MYO10: variants seen among roughly 807,000 people sequenced by gnomAD.
MYO10 encodes unconventional myosin-X.
MYO10 carries 133 observed loss-of-function variants against 257.3 expected under a neutral mutation model. The observed-to-expected ratio is 0.52, with a 90% CI of 0.45 to 0.60. The LOEUF is 0.60. Among genes scored for constraint, MYO10 ranks in the 20% least tolerant of loss-of-function variants. The pLI is 0.00. For missense variants in MYO10, 2,399 were observed against 2,635.7 expected (o/e 0.91, Z 1.97); for synonymous variants, 1,104 against 1,028.6 (o/e 1.07, Z -1.40).
rs571972139 is a variant in MYO10 at position 16,689,203 on chromosome 5, G to A, written c.3896+621C>T. 3.9e-5 allele frequency among the ~76,000 whole-genome samples: 6 copies of A among 152,298 alleles called. 1 individual carries two copies. In the South Asian group the frequency reaches 1.2e-3, roughly 32 times the overall value. ...TTAATGTCTACCTTGCAGGATCCAAGAGAATCAAAAGAGTTAATATTTATG... is the reference window on the plus strand; with the variant it reads ...TTAATGTCTACCTTGCAGGATCCAAAAGAATCAAAAGAGTTAATATTTATG... On this transcript the variant is annotated intron_variant, in intron 28 of 40. Transcript: ENST00000513610.
rs116259110 is a variant in MYO10 at position 16,728,393 on chromosome 5, C to A, written c.1930-17148G>T. Among the ~76,000 whole-genome samples the A allele has an allele frequency of 7.3e-3, 1,105 of 152,208 alleles. 12 individuals are homozygous for A. The highest frequency in any genetic ancestry group is 0.025 in the African/African-American group (1,054 of 41,516). On this transcript the variant is annotated intron_variant, in intron 19 of 40. Transcript: ENST00000513610. ...CACCAACTCCTTGGGGATGAGGTAC[C>A]TGGGGACTTTCTTTTGGCTCCCACC...
At chr5:16,911,766 G>A (rs939577346) in intron 1 of MYO10, among the ~76,000 whole-genome samples, 1 of 152,002 alleles carries the variant, frequency 6.6e-6, no homozygotes, top group African/African-American at 2.4e-5. Context: ...GGCCAGCCGC[G>A]GTGGCTCATG....
At position 16,704,569 on chromosome 5, in the gene MYO10, G is replaced by A; in HGVS notation, c.2276+10C>T. ...CTTCCTGCCTTATCCCCTCAGCGTG[G>A]GGTTCTTACCGTGCTAAGAAGCCCA... On this transcript the variant is annotated intron_variant, in intron 22 of 40. Coordinates refer to ENST00000513610, the MANE Select transcript of MYO10 (RefSeq NM_012334.3). The A allele has an allele frequency of 1.9e-6, 3 of 1,611,470 alleles. No homozygotes were observed. The highest frequency in any genetic ancestry group is 2.5e-6 in the Non-Finnish European group (3 of 1,177,934).
chr5:16,846,637 G>A (rs1374310160), intron 2 of MYO10, among the ~76,000 whole-genome samples: 1 of 152,190 alleles, frequency 6.6e-6, no homozygotes, highest in Non-Finnish European at 1.5e-5. Flanking sequence ...AGGTGGGAAA[G>A]GTCATCATCA....
rs779146798 is a variant in MYO10 at position 16,794,777 on chromosome 5, C to A, written c.336G>T (p.Leu112=). ...SVNPYQPIAG[L]YEPATMEQYS... is the part of the protein sequence containing the mutation. ...ACTGCTCCATGGTGGCAGGCTCGTA[C>A]AGCCCGGCGATGGGCTGGTAGGGGT... Residue 112 remains leucine, a synonymous_variant, in exon 4 of 41, where the codon CTG becomes CTT. Coordinates refer to ENST00000513610, the MANE Select transcript of MYO10 (RefSeq NM_012334.3). 225 of 1,605,080 alleles carry A rather than the reference C, an allele frequency of 1.4e-4. No homozygotes were observed. In the Middle Eastern group the frequency reaches 1.7e-3, roughly 12 times the overall value.
chr5:16,683,100 T>C (rs1377448407), intron 30 of MYO10, among the ~76,000 whole-genome samples: 2 of 152,140 alleles, frequency 1.3e-5, no homozygotes, highest in Non-Finnish European at 2.9e-5. Flanking sequence ...TCAGAAGGGC[T>C]CTTGTCAACG....
At chr5:16,757,809 C>T (rs542854266) in intron 18 of MYO10, among the ~76,000 whole-genome samples, 1 of 152,268 alleles carries the variant, frequency 6.6e-6, no homozygotes, top group Admixed American at 6.5e-5. Context: ...GGACTACAGG[C>T]ATGCGCCACC....
At chr5:16,710,834 G>T in intron 21 of MYO10, 74 bp downstream of exon 21, 1 of 1,253,180 alleles carries the variant, frequency 8.0e-7, no homozygotes, top group Non-Finnish European at 1.1e-6. Flanking sequence ...GTGTCATAGA[G>T]CCCTAAACCC....
intron 2 of MYO10, among the ~76,000 whole-genome samples, chr5:16,820,574 G>GA (rs1355054717): frequency 2.0e-5 from 3 of 152,234 alleles, no homozygotes; most frequent in African/African-American, 7.2e-5. Flanking sequence ...ACAGGGCACT[G>GA]AAGCCAGCAC....
Position 16,666,599 on chromosome 5 carries a change from T to G in MYO10, c.*93A>C. On this transcript the variant is annotated 3_prime_UTR_variant, in exon 41 of 41. Coordinates refer to ENST00000513610, the MANE Select transcript of MYO10 (RefSeq NM_012334.3). ...CTTCCAGAAAGCCTGGGCAGCTCTGTGTTTGTTTTGGCTGGGCATGGCACA... is the reference window on the plus strand; with the variant it reads ...CTTCCAGAAAGCCTGGGCAGCTCTGGGTTTGTTTTGGCTGGGCATGGCACA... 1.2e-5 allele frequency: 12 copies of G among 1,026,450 alleles called. No homozygotes were observed. The highest frequency in any genetic ancestry group is 1.6e-5 in the Non-Finnish European group (11 of 708,584). The allele number at this position is 1,026,450 out of a possible 1,614,324, so 63.6% of individuals were successfully genotyped here. A position where few individuals can be genotyped will look rare whatever the true frequency, so the allele number is the denominator to read the frequency against.
intron 4 of MYO10, among the ~76,000 whole-genome samples, chr5:16,786,367 A>G (rs1005798350): frequency 3.3e-5 from 5 of 152,210 alleles, no homozygotes; most frequent in Non-Finnish European, 1.5e-5. Context: ...CTGGAAATGG[A>G]CCAAGTCATG....
intron 3 of MYO10, among the ~76,000 whole-genome samples, chr5:16,808,803 C>A (rs1742349789): frequency 6.6e-6 from 1 of 152,176 alleles, no homozygotes; most frequent in African/African-American, 2.4e-5. Context: ...TCCCAAGTAG[C>A]TGGGACTACA....
chr5:16,702,281 G>T (rs1738115243), intron 24 of MYO10, among the ~76,000 whole-genome samples: 1 of 152,168 alleles, frequency 6.6e-6, no homozygotes, highest in Non-Finnish European at 1.5e-5. Context: ...GTGGTATTTG[G>T]CTGTGGTGGG....
At chr5:16,817,204 A>T (rs1193511530) in intron 3 of MYO10, among the ~76,000 whole-genome samples, 1 of 152,244 alleles carries the variant, frequency 6.6e-6, no homozygotes, top group African/African-American at 2.4e-5. Flanking sequence ...AAAGATCAAG[A>T]GTTTTTAAAG....
At chr5:16,934,730 G>A (rs1432331244) in intron 1 of MYO10, among the ~76,000 whole-genome samples, 2 of 152,208 alleles carry the variant, frequency 1.3e-5, no homozygotes, top group Admixed American at 6.5e-5. Context: ...ACTTTGGCCA[G>A]TATGAATAGC....
intron 19 of MYO10, among the ~76,000 whole-genome samples, chr5:16,754,505 T>C (rs1740473103): frequency 1.3e-5 from 2 of 151,826 alleles, no homozygotes; most frequent in Admixed American, 6.6e-5. Context: ...CATCAAATAT[T>C]TCCTGTAAAA....
At chr5:16,895,448 TC>T (rs959223398) in intron 1 of MYO10, among the ~76,000 whole-genome samples, 5 of 152,170 alleles carry the variant, frequency 3.3e-5, no homozygotes, top group African/African-American at 9.7e-5. Context: ...TCCTCCTAGT[TC>T]CTACTGGCTC....
At chr5:16,818,251 CTCAGTA>C in intron 2 of MYO10, 84 bp from the exon 3 acceptor site, 1 of 1,219,882 alleles carries the variant, frequency 8.2e-7, no homozygotes, top group East Asian at 2.5e-5. Context: ...ACAATACAAT[CTCAGTA>C]TAATTTCAGG....
At position 16,764,316 on chromosome 5, in the gene MYO10, C is replaced by A; in HGVS notation, c.1260G>T (p.Arg420Ser). Residue 420 changes from arginine (R) to serine (S), a missense_variant, in exon 12 of 41, where the codon AGG (arginine) becomes AGT (serine). Arg to Ser is a moderately radical substitution (Grantham distance 110). Transcript: ENST00000513610. Reference sequence around the variant, plus strand: ...ACTTGAAGTCCTCATTGCCTTTGATCCTGCTGTTGATCTTCTTGATTACCC... The same window carrying A: ...ACTTGAAGTCCTCATTGCCTTTGATACTGCTGTTGATCTTCTTGATTACCC... ...FEWVIKKINS[R>S]IKGNEDFKSI... The A allele has an allele frequency of 2.5e-6, 4 of 1,613,962 alleles. No homozygotes were observed. The highest frequency in any genetic ancestry group is 2.5e-6 in the Non-Finnish European group (3 of 1,179,876).
Sources: allele counts gnomAD v4.1 joint callset (sites outside exome capture counted in the v4.1 genomes callset), GRCh38; gene constraint gnomAD v4.1.1; transcripts MANE v1.5; gene names NCBI Gene and HGNC (gene_info 2026-07-23, HGNC 2026-07-21).